The following C1QTNF7 variants were observed in gnomAD, a reference collection of about 807,000 sequenced individuals.
C1QTNF7 encodes the protein C1q and TNF related 7, also known as complement C1q tumor necrosis factor-related protein 7.
C1QTNF7 carries 15 observed loss-of-function variants against 19.6 expected under a neutral mutation model. That is an observed-to-expected ratio of 0.76 (90% confidence interval 0.51 to 1.18). The LOEUF is 1.18. Ranked by LOEUF, C1QTNF7 falls within the 50% of genes most tolerant of loss-of-function variation. C1QTNF7 has a pLI of 0.00. For missense variants in C1QTNF7, 324 were observed against 359.7 expected, an observed-to-expected ratio of 0.90 and a Z score of 0.80; for synonymous variants, 142 against 137.5, an observed-to-expected ratio of 1.03 and a Z score of -0.23.
At chr4:15,355,922 G>A (rs1717130015) in intron 1 of C1QTNF7, among the ~76,000 whole-genome samples, 1 of 152,048 alleles carries the variant, frequency 6.6e-6, no homozygotes, top group Non-Finnish European at 1.5e-5. Flanking sequence ...CAGTGGCCCA[G>A]TCATAGCTCA....
At chr4:15,378,684 T>C (rs1484129327) in intron 1 of C1QTNF7, among the ~76,000 whole-genome samples, 1 of 152,230 alleles carries the variant, frequency 6.6e-6, no homozygotes, top group African/African-American at 2.4e-5. Flanking sequence ...ACTTCCTGTG[T>C]GGCTTCAAGT....
At chr4:15,392,205 A>G (rs890666416) in intron 1 of C1QTNF7, among the ~76,000 whole-genome samples, 5 of 152,192 alleles carry the variant, frequency 3.3e-5, no homozygotes, top group African/African-American at 1.2e-4. Flanking sequence ...CCCTCCATTC[A>G]TCCAGGTATC....
chr4:15,406,980 G>C (rs998272519), intron 1 of C1QTNF7, among the ~76,000 whole-genome samples: 2 of 152,048 alleles, frequency 1.3e-5, no homozygotes, highest in African/African-American at 4.8e-5. Flanking sequence ...TGTATTAATT[G>C]TGTAATATTT....
chr4:15,363,326 T>A (rs976250475), intron 1 of C1QTNF7, among the ~76,000 whole-genome samples: 5 of 152,132 alleles, frequency 3.3e-5, no homozygotes, highest in Admixed American at 2.0e-4. Context: ...GTTATTTTTA[T>A]TCAAGTAGAA....
intron 1 of C1QTNF7, among the ~76,000 whole-genome samples, chr4:15,355,681 G>A (rs967499870): frequency 2.6e-5 from 4 of 152,142 alleles, no homozygotes; most frequent in Non-Finnish European, 5.9e-5. Flanking sequence ...ATCAGAAAGA[G>A]GCTGAAGCTT....
intron 1 of C1QTNF7, among the ~76,000 whole-genome samples, chr4:15,403,262 A>G (rs1345517788): frequency 6.6e-6 from 1 of 152,132 alleles, no homozygotes; most frequent in Non-Finnish European, 1.5e-5. Context: ...TGGATGTCCA[A>G]TGTTGGTCTC....
At chr4:15,385,107 T>C (rs1190219157) in intron 1 of C1QTNF7, among the ~76,000 whole-genome samples, 1 of 152,192 alleles carries the variant, frequency 6.6e-6, no homozygotes, top group East Asian at 1.9e-4. Context: ...CTTTGACTTG[T>C]TTTTTAGGAA....
At chr4:15,439,530 C>A (rs1288206002) in intron 2 of C1QTNF7, among the ~76,000 whole-genome samples, 1 of 152,140 alleles carries the variant, frequency 6.6e-6, no homozygotes, top group Non-Finnish European at 1.5e-5. Context: ...TGCTGCTTTG[C>A]CCAGTAAGTT....
chr4:15,437,253 G>A (rs1434652584), intron 2 of C1QTNF7, among the ~76,000 whole-genome samples: 1 of 151,788 alleles, frequency 6.6e-6, no homozygotes, highest in Non-Finnish European at 1.5e-5. Context: ...AAAGACTTTG[G>A]CTCAAATCTT....
At chr4:15,362,228 G>A (rs1405411852) in intron 1 of C1QTNF7, among the ~76,000 whole-genome samples, 1 of 152,188 alleles carries the variant, frequency 6.6e-6, no homozygotes, top group Non-Finnish European at 1.5e-5. Context: ...AAGAGGTGAT[G>A]TATAAAGAGC....
At chr4:15,436,207 T>C (rs560244544) in intron 2 of C1QTNF7, among the ~76,000 whole-genome samples, 86 of 152,168 alleles carry the variant, frequency 5.7e-4, no homozygotes, top group Non-Finnish European at 1.0e-3. Flanking sequence ...TGTTATCCCA[T>C]CTTATAGATG....
chr4:15,370,878 A>G (rs986981557), intron 1 of C1QTNF7, among the ~76,000 whole-genome samples: 1 of 152,186 alleles, frequency 6.6e-6, no homozygotes, highest in Non-Finnish European at 1.5e-5. Flanking sequence ...AACACTTAAG[A>G]TTTATCTGAT....
chr4:15,442,341 G>T lies in C1QTNF7; in HGVS notation c.412G>T (p.Val138Phe). 1.2e-6 allele frequency: 2 copies of T among 1,614,132 alleles called. No homozygotes were observed. The highest frequency in any genetic ancestry group is 1.7e-6 in the Non-Finnish European group (2 of 1,180,028). ...GEQGDPGLPG[V>F]CRCGSIVLKS... is the part of the protein sequence containing the mutation. ...ACAAGGGGACCCGGGGCTGCCTGGA[G>T]TTTGCAGATGTGGAAGCATCGTGCT... is the stretch of plus-strand genomic sequence containing the variant. Residue 138 changes from valine to phenylalanine, a missense_variant, in exon 3 of 3, where the codon GTT (valine) becomes TTT (phenylalanine). Coordinates refer to ENST00000444304, the MANE Select transcript of C1QTNF7 (RefSeq NM_031911.5).
intron 1 of C1QTNF7, among the ~76,000 whole-genome samples, chr4:15,341,864 C>T (rs796378688): frequency 4.6e-5 from 7 of 152,292 alleles, no homozygotes; most frequent in African/African-American, 1.7e-4. Context: ...ACGGGTGCGG[C>T]AGAGAAATGC....
chr4:15,390,923 G>A (rs1206397767), intron 1 of C1QTNF7, among the ~76,000 whole-genome samples: 1 of 152,046 alleles, frequency 6.6e-6, no homozygotes, highest in East Asian at 1.9e-4. Flanking sequence ...CATAGTTCCT[G>A]CCACCTCCCA....
At chr4:15,438,874 G>A (rs1712637698) in intron 2 of C1QTNF7, among the ~76,000 whole-genome samples, 1 of 152,098 alleles carries the variant, frequency 6.6e-6, no homozygotes, top group East Asian at 1.9e-4. Flanking sequence ...TGTAGCAGAT[G>A]GTCAATTAAT....
chr4:15,412,530 T>C (rs902146448), intron 1 of C1QTNF7, among the ~76,000 whole-genome samples: 2 of 152,280 alleles, frequency 1.3e-5, no homozygotes, highest in Admixed American at 6.5e-5. Flanking sequence ...TCTAAACTTC[T>C]GCCTCCCTCT....
chr4:15,373,192 C>T (rs532768901), intron 1 of C1QTNF7, among the ~76,000 whole-genome samples: 2 of 152,304 alleles, frequency 1.3e-5, no homozygotes, highest in Non-Finnish European at 2.9e-5. Context: ...TCTGTCTCTG[C>T]TTCCAAGATG....
chr4:15,397,063 A>G lies in C1QTNF7; in HGVS notation c.14-38673A>G, dbSNP rs537967974. On this transcript the variant is annotated intron_variant, in intron 1 of 2. Coordinates refer to the C1QTNF7 transcript ENST00000295297. ...TGGCAGCAGGCAAAGGAGAATGAGG[A>G]AGATGCAAAAGCAGAAAACCCTGAT... Among the ~76,000 whole-genome samples the G allele has an allele frequency of 5.3e-5, 8 of 152,190 alleles. No homozygotes were observed. In the East Asian group the frequency reaches 1.5e-3, roughly 29 times the overall value.
Sources: gnomAD v4.1 joint callset for allele counts (sites outside exome capture counted in the v4.1 genomes callset) on GRCh38, gnomAD v4.1.1 for gene constraint, MANE v1.5 for transcripts, NCBI Gene and HGNC (gene_info 2026-07-23, HGNC 2026-07-21) for gene names.